The following MAP4K4 variants were observed in gnomAD, a reference collection of about 807,000 sequenced individuals.
MAP4K4 encodes mitogen-activated protein kinase kinase kinase kinase 4, also known as HPK/GCK-like kinase HGK.
MAP4K4 carries 38 observed loss-of-function variants against 189.6 expected under a neutral mutation model. The ratio of observed to expected loss-of-function variants is 0.20; its 90% CI spans 0.15 to 0.26. MAP4K4 has a LOEUF of 0.26. Ranked by LOEUF, MAP4K4 falls within the 10% of genes least tolerant of loss-of-function variation. The pLI is 1.00. For missense variants in MAP4K4, 1,054 were observed against 1,726.9 expected, an observed-to-expected ratio of 0.61 and a Z score of 6.91; for synonymous variants, 610 against 624.3, an observed-to-expected ratio of 0.98 and a Z score of 0.34.
chr2:101,858,906 T>C, intron 13 of MAP4K4, 90 bp from the exon 14 acceptor site: 1 of 853,082 alleles, frequency 1.2e-6, no homozygotes, highest in Non-Finnish European at 1.9e-6. Context: ...CTAAAGGTGA[T>C]TGGAGCAAAT....
At chr2:101,738,658 G>T (rs2061440882) in intron 2 of MAP4K4, among the ~76,000 whole-genome samples, 2 of 151,958 alleles carry the variant, frequency 1.3e-5, no homozygotes, top group Non-Finnish European at 2.9e-5. Context: ...CCTATGCTTT[G>T]GATTGCTGTA....
chr2:101,785,983 G>T (rs1276949919), intron 2 of MAP4K4, among the ~76,000 whole-genome samples: 1 of 151,978 alleles, frequency 6.6e-6, no homozygotes, highest in Non-Finnish European at 1.5e-5. Context: ...CCGCCACCAT[G>T]CCTGGCTGAT....
chr2:101,798,005 A>G (rs2093962362), intron 3 of MAP4K4, among the ~76,000 whole-genome samples: 1 of 147,740 alleles, frequency 6.8e-6, no homozygotes, highest in Admixed American at 7.0e-5. Flanking sequence ...TCGTACCTCA[A>G]ATTCCTAGAC....
chr2:101,861,028 A>C (rs1461942004), intron 16 of MAP4K4, 42 bp downstream of exon 16: 1 of 1,539,236 alleles, frequency 6.5e-7, no homozygotes, highest in East Asian at 2.4e-5. Context: ...AGACTCATGC[A>C]ACGGCTCGCT....
At chr2:101,819,411 T>G (rs2095906412) in intron 3 of MAP4K4, among the ~76,000 whole-genome samples, 1 of 152,266 alleles carries the variant, frequency 6.6e-6, no homozygotes, top group Admixed American at 6.5e-5. Context: ...TGGCAGATTC[T>G]GTATTTCTAG....
chr2:101,818,020 T>G (rs2095825536), intron 3 of MAP4K4, among the ~76,000 whole-genome samples: 1 of 152,170 alleles, frequency 6.6e-6, no homozygotes. Context: ...GTTAGTGAAT[T>G]TAAGTTGTAA....
At chr2:101,803,313 G>T (rs2094572038) in intron 3 of MAP4K4, among the ~76,000 whole-genome samples, 1 of 150,058 alleles carries the variant, frequency 6.7e-6, no homozygotes, top group Admixed American at 6.6e-5. Context: ...GTCTGTGTCT[G>T]TCTGTGTGCA....
intron 2 of MAP4K4, among the ~76,000 whole-genome samples, chr2:101,742,105 C>T (rs1358320344): frequency 1.3e-5 from 2 of 152,174 alleles, no homozygotes; most frequent in Non-Finnish European, 1.5e-5. Context: ...TCCCTGGGCT[C>T]TAGTGGGTCA....
chr2:101,773,097 C>T (rs1007626949), intron 2 of MAP4K4, among the ~76,000 whole-genome samples: 4 of 152,178 alleles, frequency 2.6e-5, no homozygotes, highest in African/African-American at 4.8e-5. Context: ...AGTTGACCCT[C>T]GGCACTTCTC....
intron 27 of MAP4K4, among the ~76,000 whole-genome samples, chr2:101,877,643 T>G (rs2098245494): frequency 6.6e-6 from 1 of 151,698 alleles, no homozygotes; most frequent in Non-Finnish European, 1.5e-5. Flanking sequence ...GCCCAGCTAA[T>G]TTTTGTACTT....
rs1170067274 is a variant in MAP4K4 at position 101,740,355 on chromosome 2, G to A, written c.123+41817G>A. Among the ~76,000 whole-genome samples, 17 of 107,106 alleles carry A rather than the reference G, an allele frequency of 1.6e-4. 5 individuals are homozygous for A. The African/African-American group carries it at 1.8e-3, about 11-fold the overall frequency. The allele number at this position is 107,106 out of a possible 152,430, so 70.3% of individuals were successfully genotyped here. ...TTTTTAGTAGAGACGGGGTTTCACC[G>A]TTTTTAGCCGGGATGGTCTCGATCT... On this transcript the variant is annotated intron_variant, in intron 2 of 32. Coordinates refer to ENST00000324219, the Ensembl canonical transcript of MAP4K4.
chr2:101,777,956 T>C (rs1004484692), intron 2 of MAP4K4, among the ~76,000 whole-genome samples: 12 of 152,230 alleles, frequency 7.9e-5, no homozygotes, highest in African/African-American at 2.4e-4. Context: ...TTACTTTTAA[T>C]ATTACGGATT....
chr2:101,698,024 T>C (rs2035224844), exon 1 of MAP4K4: 2 of 1,208,772 alleles, frequency 1.7e-6, no homozygotes, highest in East Asian at 6.5e-5. Flanking sequence ...GCGGCTGAGA[T>C]ACACAGAGCG....
At chr2:101,749,798 T>A in intron 2 of MAP4K4, among the ~76,000 whole-genome samples, 1 of 137,648 alleles carries the variant, frequency 7.3e-6, no homozygotes, top group Non-Finnish European at 1.5e-5. Context: ...TACAATGAAC[T>A]CAAACAAATT....
chr2:101,781,916 A>C (rs2087775826), intron 2 of MAP4K4, among the ~76,000 whole-genome samples: 1 of 152,222 alleles, frequency 6.6e-6, no homozygotes, highest in Non-Finnish European at 1.5e-5. Flanking sequence ...CATCTGTCCT[A>C]GAACACAGCA....
At chr2:101,836,520 A>G (rs1353539763) in intron 9 of MAP4K4, among the ~76,000 whole-genome samples, 2 of 152,072 alleles carry the variant, frequency 1.3e-5, no homozygotes, top group African/African-American at 4.8e-5. Context: ...CCCAGAAGGC[A>G]GAGGTTGTGG....
At chr2:101,716,295 T>C (rs1365667803) in intron 2 of MAP4K4, among the ~76,000 whole-genome samples, 1 of 152,042 alleles carries the variant, frequency 6.6e-6, no homozygotes, top group African/African-American at 2.4e-5. Flanking sequence ...TACAAAAAAT[T>C]AGCCGGGCGT....
At chr2:101,856,611 TAAAA>T (rs568391105) in intron 13 of MAP4K4, among the ~76,000 whole-genome samples, 2 of 152,180 alleles carry the variant, frequency 1.3e-5, no homozygotes, top group African/African-American at 2.4e-5. Flanking sequence ...CACAGCACAT[TAAAA>T]AAACTAACAT....
intron 3 of MAP4K4, among the ~76,000 whole-genome samples, chr2:101,823,292 G>A (rs1343462604): frequency 6.6e-6 from 1 of 152,144 alleles, no homozygotes. Context: ...GCTAGGAGAG[G>A]AGCCAAGTCT....
Sources: allele counts gnomAD v4.1 joint callset (sites outside exome capture counted in the v4.1 genomes callset), GRCh38; gene constraint gnomAD v4.1.1; transcripts MANE v1.5; gene names NCBI Gene and HGNC (gene_info 2026-07-23, HGNC 2026-07-21).